Variants in ACSL6 observed in about 807,000 individuals in gnomAD.
The protein encoded by ACSL6 is long-chain-fatty-acid--CoA ligase 6.
A neutral mutation model predicts 98.2 loss-of-function variants in ACSL6; 47 were observed. The ratio of observed to expected loss-of-function variants is 0.48; its 90% CI spans 0.38 to 0.61. The LOEUF (loss-of-function observed/expected upper bound fraction) is 0.61. Among genes scored for constraint, ACSL6 ranks in the 20% least tolerant of loss-of-function variants. The pLI, the probability that ACSL6 is intolerant of heterozygous loss-of-function variation, is 0.00. For synonymous variants in ACSL6, 362 were observed against 336.9 expected (o/e 1.07, Z -0.82); for missense variants, 761 against 913.4 (o/e 0.83, Z 2.15).
intron 9 of ACSL6, among the ~76,000 whole-genome samples, chr5:131,980,021 C>A (rs912264894): frequency 1.3e-5 from 2 of 152,136 alleles, no homozygotes; most frequent in Non-Finnish European, 2.9e-5. Flanking sequence ...GACGATCTGC[C>A]CTGATTGGAT....
chr5:132,001,880 A>G (rs1452842374), intron 1 of ACSL6: 1 of 152,116 alleles, frequency 6.6e-6, no homozygotes, highest in African/African-American at 2.4e-5. Context: ...GGCACAAACA[A>G]TGCTTTCAGG....
intron 10 of ACSL6, chr5:131,975,552 G>A (rs972082586): frequency 1.0e-6 from 1 of 985,352 alleles, no homozygotes. Context: ...CCAGCCAGAG[G>A]AGGAGACAAG....
At chr5:131,974,414 GA>G (rs1753497972) in intron 11 of ACSL6, among the ~76,000 whole-genome samples, 1 of 152,184 alleles carries the variant, frequency 6.6e-6, no homozygotes, top group African/African-American at 2.4e-5. Flanking sequence ...AAAAGTTATG[GA>G]ACATAAGTGT....
intron 1 of ACSL6, among the ~76,000 whole-genome samples, chr5:132,001,300 T>C (rs1208445869): frequency 6.6e-6 from 1 of 152,126 alleles, no homozygotes; most frequent in Non-Finnish European, 1.5e-5. Context: ...GCCTTCACCA[T>C]CACACATGTA....
At chr5:132,011,695 G>C (rs1387465212), upstream of ACSL6, 8 of 1,269,276 alleles carry the variant, frequency 6.3e-6, no homozygotes, top group Non-Finnish European at 8.0e-6. The surrounding 1 kb of genome is among the most constrained non-coding windows in gnomAD (Gnocchi z 5.4). Flanking sequence ...CGGCCCCGCA[G>C]CTCCCGCCTC....
At chr5:132,011,881 G>T, upstream of ACSL6, 1 of 1,543,510 alleles carries the variant, frequency 6.5e-7, no homozygotes, top group Non-Finnish European at 8.7e-7. This position sits in a 1 kb window ranked among gnomAD's most constrained non-coding sequence, Gnocchi z 5.4. Context: ...GAGCGAACCA[G>T]CCCTCTCCGG....
chr5:131,993,926 C>G (rs1430086020), intron 2 of ACSL6, 105 bp downstream of exon 2: 1 of 1,225,874 alleles, frequency 8.2e-7, no homozygotes, highest in East Asian at 2.5e-5. Flanking sequence ...GACACCTTCT[C>G]TGGGCCATGT....
chr5:131,976,697 G>C lies in ACSL6; in HGVS notation c.941C>G (p.Thr314Ser). 1 of 1,614,190 alleles carries C rather than the reference G, an allele frequency of 6.2e-7. No individual in the cohort carries two copies. The highest frequency in any genetic ancestry group is 1.1e-5 in the South Asian group (1 of 91,076). The part of the protein sequence containing the change: ...TTGNPKGAML[T>S]HGNVVADFSG... Reference sequence around the variant, plus strand: ...GAAATCAGCCACCACGTTCCCATGGGTGAGCATCGCACCTTTTGGGTTCCC... The same window carrying C: ...GAAATCAGCCACCACGTTCCCATGGCTGAGCATCGCACCTTTTGGGTTCCC... Residue 314 changes from threonine to serine, a missense_variant, in exon 10 of 21, where the codon ACC becomes AGC. Thr to Ser is a moderately conservative substitution (Grantham distance 58). Coordinates refer to ENST00000651883, the MANE Select transcript of ACSL6 (RefSeq NM_001009185.3).
chr5:131,982,071 T>A (rs1580663845), intron 9 of ACSL6: 1 of 151,042 alleles, frequency 6.6e-6, no homozygotes, highest in Non-Finnish European at 1.5e-5. Flanking sequence ...TTAGCCAGGA[T>A]GGGCTCGATC....
chr5:132,008,923 G>C (rs1050623717), intron 1 of ACSL6, among the ~76,000 whole-genome samples: 1 of 152,240 alleles, frequency 6.6e-6, no homozygotes, highest in Non-Finnish European at 1.5e-5. Context: ...CAAAGGTGCT[G>C]TACAGGCAGG....
intron 4 of ACSL6, among the ~76,000 whole-genome samples, chr5:131,989,840 C>T (rs550341276): frequency 7.6e-4 from 116 of 152,278 alleles, no homozygotes; most frequent in South Asian, 6.0e-3. Flanking sequence ...GCAATCCACC[C>T]GCCTTGGCCT....
At chr5:131,975,081 G>A (rs1293777423) in intron 10 of ACSL6, 111 bp from the exon 11 acceptor site, 3 of 1,459,776 alleles carry the variant, frequency 2.1e-6, no homozygotes, top group African/African-American at 2.8e-5. Context: ...AACAGGAAGA[G>A]GGGGAGGGGA....
At chr5:131,987,111 G>A (rs1435283256) in intron 7 of ACSL6, among the ~76,000 whole-genome samples, 1 of 152,114 alleles carries the variant, frequency 6.6e-6, no homozygotes, top group Non-Finnish European at 1.5e-5. Flanking sequence ...TGACCTCAGT[G>A]GCCTCTTCTC....
chr5:131,994,689 C>A, intron 1 of ACSL6: 2 of 225,134 alleles, frequency 8.9e-6, no homozygotes, highest in Non-Finnish European at 1.8e-5. Context: ...GTGCTCAGCA[C>A]AGTGCCCAGG....
At chr5:131,998,472 A>G (rs1754902179) in intron 1 of ACSL6, among the ~76,000 whole-genome samples, 3 of 152,166 alleles carry the variant, frequency 2.0e-5, no homozygotes, top group Admixed American at 2.0e-4. Context: ...AGCATGGGAG[A>G]GAACAGGAAG....
At chr5:131,996,344 C>T (rs1486397734) in intron 1 of ACSL6, among the ~76,000 whole-genome samples, 2 of 152,230 alleles carry the variant, frequency 1.3e-5, no homozygotes, top group African/African-American at 4.8e-5. Context: ...ACTAGCTGGC[C>T]TTCTTGGGAC....
chr5:131,969,813 T>A (rs1013892021), intron 15 of ACSL6, among the ~76,000 whole-genome samples: 3 of 152,112 alleles, frequency 2.0e-5, no homozygotes, highest in Non-Finnish European at 4.4e-5. Flanking sequence ...ATCCACACCC[T>A]CATTCTGAGG....
At position 131,952,410 on chromosome 5, in the gene ACSL6, G is replaced by A; in HGVS notation, c.*1824C>T. 2 of 209,734 alleles carry A rather than the reference G, an allele frequency of 9.5e-6. No homozygotes were observed. Among genetic ancestry groups the A allele is most frequent in the South Asian group, 1.9e-4 (1 of 5,310 alleles). The allele number at this position is 209,734 out of a possible 1,614,324, so 13.0% of individuals were successfully genotyped here. Reference sequence around the variant, plus strand: ...GAAATATAAGTATATAATCACTGATGCATATTTATTCAGTAGGCCCATGTG... The same window carrying A: ...GAAATATAAGTATATAATCACTGATACATATTTATTCAGTAGGCCCATGTG... On this transcript the variant is annotated 3_prime_UTR_variant, in exon 21 of 21. Coordinates refer to ENST00000651883, the MANE Select transcript of ACSL6 (RefSeq NM_001009185.3).
rs1328661971 is a variant in ACSL6 at position 132,011,535 on chromosome 5, C to A, written c.19G>T (p.Val7Leu). 1.9e-6 allele frequency: 3 copies of A among 1,603,602 alleles called. No homozygotes were observed. The African/African-American group carries it at 4.1e-5, about 22-fold the overall frequency. Residue 7 changes from valine to leucine, a missense_variant, in exon 1 of 21, where the codon GTG becomes TTG. Transcript: ENST00000651883. The surrounding 1 kb of genome is among the most constrained non-coding windows in gnomAD (Gnocchi z 5.4). Reference sequence around the variant, plus strand: ...AATAGCCAGAGGGAGCCCCCCGACACGAGGAAGAAGGTCAGCATGGCGGTC... The same window carrying A: ...AATAGCCAGAGGGAGCCCCCCGACAAGAGGAAGAAGGTCAGCATGGCGGTC... The part of the protein sequence containing the change: MLTFFL[V>L]SGGSLWLFVE...
Sources: allele counts gnomAD v4.1 joint callset (sites outside exome capture counted in the v4.1 genomes callset), GRCh38; gene constraint gnomAD v4.1.1; non-coding constraint Gnocchi (gnomAD v3.1); transcripts MANE v1.5; gene names NCBI Gene and HGNC (gene_info 2026-07-23, HGNC 2026-07-21).